The following CDH12 variants were observed in gnomAD, a reference collection of about 807,000 sequenced individuals.
CDH12 encodes cadherin 12, also known as cadherin-12.
In CDH12, 41 loss-of-function variants were observed where a neutral mutation model predicts 74.1. The observed-to-expected ratio is 0.55, with a 90% confidence interval of 0.43 to 0.72. CDH12 has a LOEUF of 0.72. Ranked by LOEUF, CDH12 falls within the 30% of genes least tolerant of loss-of-function variation. The pLI, the probability that CDH12 is intolerant of heterozygous loss-of-function variation, is 0.00. For missense variants in CDH12, 945 were observed against 977.2 expected (o/e 0.97, Z 0.44); for synonymous variants, 399 against 355.0 (o/e 1.12, Z -1.39).
intron 3 of CDH12, among the ~76,000 whole-genome samples, chr5:22,373,923 G>A (rs566713348): frequency 3.6e-4 from 55 of 152,230 alleles, no homozygotes; most frequent in South Asian, 1.5e-3. Context: ...ACACTGTAAT[G>A]CTCCAATAAC....
intron 1 of CDH12, among the ~76,000 whole-genome samples, chr5:22,804,439 G>C (rs1177678781): frequency 6.6e-6 from 1 of 152,040 alleles, no homozygotes; most frequent in African/African-American, 2.4e-5. Flanking sequence ...TGTGAATGTG[G>C]GGGCTGCTAA....
At chr5:22,574,481 A>C (rs1335020983) in intron 1 of CDH12, among the ~76,000 whole-genome samples, 1 of 152,142 alleles carries the variant, frequency 6.6e-6, no homozygotes, top group Non-Finnish European at 1.5e-5. Context: ...TGTTTTATAA[A>C]GGTAGATTTT....
At chr5:22,631,068 A>G (rs1417760021) in intron 1 of CDH12, among the ~76,000 whole-genome samples, 1 of 152,184 alleles carries the variant, frequency 6.6e-6, no homozygotes, top group South Asian at 2.1e-4. Flanking sequence ...AGAAATGAAA[A>G]TCAAAACAAC....
At chr5:21,850,507 T>C (rs149338009) in intron 7 of CDH12, among the ~76,000 whole-genome samples, 2 of 151,642 alleles carry the variant, frequency 1.3e-5, no homozygotes, top group African/African-American at 4.8e-5. Flanking sequence ...CATAAAGTGT[T>C]AGCTCAAAAT....
At chr5:22,510,392 T>C (rs1384701051) in intron 1 of CDH12, among the ~76,000 whole-genome samples, 2 of 152,138 alleles carry the variant, frequency 1.3e-5, no homozygotes, top group Non-Finnish European at 2.9e-5. Context: ...AAAAAACGTA[T>C]GTTATTGGCA....
intron 12 of CDH12, among the ~76,000 whole-genome samples, chr5:21,764,463 C>T (rs531219765): frequency 6.6e-6 from 1 of 151,344 alleles, no homozygotes; most frequent in Non-Finnish European, 1.5e-5. Flanking sequence ...GCCTGGCTAA[C>T]ATGGAGACAC....
intron 6 of CDH12, among the ~76,000 whole-genome samples, chr5:21,865,964 C>G (rs1169741942): frequency 6.6e-6 from 1 of 152,122 alleles, no homozygotes; most frequent in Non-Finnish European, 1.5e-5. Flanking sequence ...ATAATTGAAT[C>G]ATGGGGATGG....
At chr5:21,858,187 A>G (rs1426621597) in intron 6 of CDH12, among the ~76,000 whole-genome samples, 1 of 151,860 alleles carries the variant, frequency 6.6e-6, no homozygotes, top group East Asian at 1.9e-4. Flanking sequence ...AGTTCATAAC[A>G]TATCATTTTA....
At chr5:22,231,392 T>C (rs1289641330) in intron 3 of CDH12, among the ~76,000 whole-genome samples, 1 of 150,984 alleles carries the variant, frequency 6.6e-6, no homozygotes, top group Non-Finnish European at 1.5e-5. Context: ...AATGATTATT[T>C]CCTTCTTTCT....
At chr5:21,807,330 G>A (rs1211593181) in intron 9 of CDH12, among the ~76,000 whole-genome samples, 1 of 152,138 alleles carries the variant, frequency 6.6e-6, no homozygotes, top group East Asian at 1.9e-4. Context: ...CCTTCAGGGA[G>A]ACTGACCTGA....
At chr5:21,926,544 G>T (rs1754591623) in intron 6 of CDH12, among the ~76,000 whole-genome samples, 1 of 152,130 alleles carries the variant, frequency 6.6e-6, no homozygotes, top group Non-Finnish European at 1.5e-5. Flanking sequence ...CTATGAATGT[G>T]CCAGCCTTAT....
intron 2 of CDH12, among the ~76,000 whole-genome samples, chr5:22,458,011 G>A (rs1745354072): frequency 6.6e-6 from 1 of 151,598 alleles, no homozygotes; most frequent in African/African-American, 2.4e-5. Flanking sequence ...CCAAAGTGCT[G>A]GGATTACAGG....
At chr5:21,915,800 C>A (rs1754059342) in intron 6 of CDH12, among the ~76,000 whole-genome samples, 1 of 146,994 alleles carries the variant, frequency 6.8e-6, no homozygotes, top group Admixed American at 6.9e-5. Flanking sequence ...GCCTTGGGTA[C>A]ACCAGTTTCT....
chr5:22,692,137 T>C (rs1027816380), intron 1 of CDH12, among the ~76,000 whole-genome samples: 5 of 152,116 alleles, frequency 3.3e-5, no homozygotes, highest in African/African-American at 1.2e-4. Flanking sequence ...TCTTGCTCTA[T>C]TAGTTCCTAC....
chr5:22,536,908 T>C (rs1737874714), intron 1 of CDH12, among the ~76,000 whole-genome samples: 1 of 152,200 alleles, frequency 6.6e-6, no homozygotes, highest in Non-Finnish European at 1.5e-5. Flanking sequence ...ATAAATGGCC[T>C]CCTGTGTGAC....
chr5:21,842,001 A>C (rs1272767761), intron 8 of CDH12, among the ~76,000 whole-genome samples, 160 bp downstream of exon 8: 1 of 145,504 alleles, frequency 6.9e-6, no homozygotes, highest in Non-Finnish European at 1.5e-5. Flanking sequence ...TAAAACTTAA[A>C]GTATAAAAAA....
chr5:21,894,552 G>A (rs1034316923), intron 6 of CDH12, among the ~76,000 whole-genome samples: 3 of 151,978 alleles, frequency 2.0e-5, no homozygotes, highest in African/African-American at 7.3e-5. Flanking sequence ...CTTAAAAAGT[G>A]TAGAAACACA....
intron 2 of CDH12, among the ~76,000 whole-genome samples, chr5:22,447,156 T>C (rs1400084922): frequency 1.3e-5 from 2 of 152,170 alleles, no homozygotes; most frequent in Admixed American, 6.5e-5. Flanking sequence ...ATAAGGGCTA[T>C]AATTCCAATA....
In CDH12 at chr5:22,557,566, T is replaced by C. The variant is rs183779903; in HGVS notation, c.-522-52202A>G. 7.2e-5 allele frequency among the ~76,000 whole-genome samples: 11 copies of C among 152,204 alleles called. No individual in the cohort carries two copies. The East Asian group carries it at 9.7e-4, about 13-fold the overall frequency. Reference sequence around the variant, plus strand: ...AAGAAGGAAGAATACGAACGTAATATATAAAAGTCAGTTTCAAGTGGGGTA... The same window carrying C: ...AAGAAGGAAGAATACGAACGTAATACATAAAAGTCAGTTTCAAGTGGGGTA... On this transcript the variant is annotated intron_variant, in intron 1 of 14. Transcript: ENST00000382254.
Sources: allele counts gnomAD v4.1 joint callset (sites outside exome capture counted in the v4.1 genomes callset), GRCh38; gene constraint gnomAD v4.1.1; transcripts MANE v1.5; gene names NCBI Gene and HGNC (gene_info 2026-07-23, HGNC 2026-07-21).